CELF4: variants seen among roughly 807,000 people sequenced by gnomAD.
CELF4 encodes the protein CUGBP Elav-like family member 4.
In CELF4, 18 loss-of-function variants were observed where a neutral mutation model predicts 59.9. The observed-to-expected ratio is 0.30, with a 90% CI of 0.21 to 0.45. CELF4 has a LOEUF of 0.45. Among genes scored for constraint, CELF4 ranks in the 20% least tolerant of loss-of-function variants. The pLI, the probability that CELF4 is intolerant of heterozygous loss-of-function variation, is 1.00. For synonymous variants in CELF4, 261 were observed against 267.1 expected (o/e 0.98, Z 0.22); for missense variants, 456 against 689.0 (o/e 0.66, Z 3.79).
At chr18:37,426,962 G>GAA (rs2099617270) in intron 2 of CELF4, among the ~76,000 whole-genome samples, 2 of 65,092 alleles carry the variant, frequency 3.1e-5, no homozygotes, top group African/African-American at 5.8e-5. Context: ...TTTACAAGGA[G>GAA]TAAAAAAAAA....
At chr18:37,319,558 C>T (rs1248325690) in intron 3 of CELF4, among the ~76,000 whole-genome samples, 1 of 152,202 alleles carries the variant, frequency 6.6e-6, no homozygotes, top group Non-Finnish European at 1.5e-5. Flanking sequence ...GGCTGGAGGG[C>T]AGAGGCCTGA....
intron 11 of CELF4, among the ~76,000 whole-genome samples, chr18:37,255,685 A>C (rs1445134466): frequency 1.1e-4 from 16 of 152,080 alleles, no homozygotes; most frequent in Non-Finnish European, 7.4e-5. Context: ...AAATATGTGA[A>C]TTGTGTGTTG....
chr18:37,394,294 AG>A (rs1299487096), intron 2 of CELF4, among the ~76,000 whole-genome samples: 1 of 152,214 alleles, frequency 6.6e-6, no homozygotes, highest in Non-Finnish European at 1.5e-5. Context: ...GGCGGGAGGC[AG>A]GAAGCTGGGG....
chr18:37,295,558 A>G (rs1198303762), intron 3 of CELF4, among the ~76,000 whole-genome samples: 4 of 152,230 alleles, frequency 2.6e-5, no homozygotes, highest in Non-Finnish European at 4.4e-5. Context: ...TGGGAAGAAG[A>G]CAACTTCTAT....
chr18:37,289,839 G>T (rs1392788200), intron 3 of CELF4, among the ~76,000 whole-genome samples: 1 of 152,312 alleles, frequency 6.6e-6, no homozygotes, highest in African/African-American at 2.4e-5. Flanking sequence ...GTGTGACATG[G>T]AGTATTACAC....
intron 2 of CELF4, among the ~76,000 whole-genome samples, chr18:37,379,507 C>CAAAAAAAAAAAA (rs56250210): frequency 2.2e-5 from 1 of 45,712 alleles, no homozygotes; most frequent in African/African-American, 9.4e-5. Context: ...AGGCCATAAG[C>CAAAAAAAAAAAA]AAAAAAAAAA....
intron 3 of CELF4, among the ~76,000 whole-genome samples, chr18:37,296,816 A>G (rs1331695573): frequency 6.6e-6 from 1 of 152,130 alleles, no homozygotes; most frequent in Non-Finnish European, 1.5e-5. Context: ...GAAGCTGTTG[A>G]ACTGTCAGTC....
At chr18:37,468,494 GC>G (rs2099814016) in intron 2 of CELF4, among the ~76,000 whole-genome samples, 1 of 152,020 alleles carries the variant, frequency 6.6e-6, no homozygotes, top group Non-Finnish European at 1.5e-5. Context: ...TTCTCCTCCT[GC>G]CACCTCAAGC....
chr18:37,362,006 A>G (rs986483875), intron 2 of CELF4, among the ~76,000 whole-genome samples: 1 of 152,052 alleles, frequency 6.6e-6, no homozygotes, highest in Non-Finnish European at 1.5e-5. Flanking sequence ...CGGTCAGAGG[A>G]GCCCTGTGGT....
intron 2 of CELF4, among the ~76,000 whole-genome samples, chr18:37,431,338 C>A (rs1603638812): frequency 6.6e-6 from 1 of 150,428 alleles, no homozygotes; most frequent in Non-Finnish European, 1.5e-5. Flanking sequence ...TTTGCTATTA[C>A]ACAGCCACTT....
chr18:37,407,408 T>C (rs943392796), intron 2 of CELF4, among the ~76,000 whole-genome samples: 5 of 152,148 alleles, frequency 3.3e-5, no homozygotes, highest in African/African-American at 1.2e-4. Context: ...GGGCTGTTGC[T>C]GGATGAGACA....
At chr18:37,457,844 C>A (rs138814244) in intron 2 of CELF4, among the ~76,000 whole-genome samples, 45 of 152,322 alleles carry the variant, frequency 3.0e-4, no homozygotes, top group African/African-American at 9.4e-4. Context: ...CCTGCCCACT[C>A]CTCCTCCAGT....
intron 1 of CELF4, among the ~76,000 whole-genome samples, chr18:37,555,271 G>T (rs1033939308): frequency 1.3e-5 from 2 of 152,320 alleles, no homozygotes; most frequent in Admixed American, 1.3e-4. Flanking sequence ...GAAAGATATG[G>T]ATATACTGGA....
At chr18:37,506,348 G>GGGAGATGT (rs1391216735) in intron 1 of CELF4, among the ~76,000 whole-genome samples, 54 of 152,316 alleles carry the variant, frequency 3.5e-4, no homozygotes, top group African/African-American at 9.9e-4. Context: ...CCGCAGTGTA[G>GGGAGATGT]GGAGATGTGG....
chr18:37,362,499 G>C (rs982080368), intron 2 of CELF4, among the ~76,000 whole-genome samples: 10 of 152,144 alleles, frequency 6.6e-5, no homozygotes, highest in African/African-American at 2.4e-4. Flanking sequence ...GGGTTGGGGG[G>C]CTGGGGCACG....
intron 2 of CELF4, among the ~76,000 whole-genome samples, chr18:37,327,252 G>A (rs1050653179): frequency 1.2e-4 from 19 of 152,302 alleles, no homozygotes; most frequent in African/African-American, 4.6e-4. Flanking sequence ...GGTCTCTGCT[G>A]CCTCCTTTCC....
intron 3 of CELF4, 26 bp from the exon 4 acceptor site, chr18:37,275,269 C>T (rs1409091833): frequency 5.6e-6 from 9 of 1,612,428 alleles, no homozygotes; most frequent in Non-Finnish European, 7.6e-6. Flanking sequence ...GAGATGCTTA[C>T]CCGGGCCAGG....
intron 1 of CELF4, among the ~76,000 whole-genome samples, chr18:37,492,967 C>T (rs2099911301): frequency 6.6e-6 from 1 of 152,188 alleles, no homozygotes. Context: ...ACCCTCCTGC[C>T]ATCTTCCCAG....
In CELF4 at chr18:37,563,639, C is replaced by T. The variant is rs192837978; in HGVS notation, c.286+1717G>A. ...TATTTTGAAGGCTGCCTCCCCGTTC[C>T]ACCTTTCCAATCTCTCTTTTGAACA... is the stretch of plus-strand genomic sequence containing the variant. On this transcript the variant is annotated intron_variant, in intron 1 of 12. Coordinates refer to ENST00000420428, the MANE Select transcript of CELF4 (RefSeq NM_020180.4). Among the ~76,000 whole-genome samples the T allele has an allele frequency of 2.7e-3, 416 of 152,204 alleles. 2 individuals are homozygous for T. The highest frequency in any genetic ancestry group is 9.3e-3 in the African/African-American group (387 of 41,512).
Sources: allele counts gnomAD v4.1 joint callset (sites outside exome capture counted in the v4.1 genomes callset), GRCh38; gene constraint gnomAD v4.1.1; transcripts MANE v1.5; gene names NCBI Gene and HGNC (gene_info 2026-07-23, HGNC 2026-07-21).